MAN2A1: variants seen among roughly 807,000 people sequenced by gnomAD.
The protein encoded by MAN2A1 is alpha-mannosidase 2.
Under a neutral mutation model 142.6 loss-of-function variants are expected in MAN2A1, and 76 were observed. The ratio of observed to expected loss-of-function variants is 0.53; its 90% confidence interval spans 0.44 to 0.65. MAN2A1 has a LOEUF of 0.65. Ranked by LOEUF, MAN2A1 falls within the 30% of genes least tolerant of loss-of-function variation. The pLI is 0.00. For missense variants in MAN2A1, 1,311 were observed against 1,365.1 expected, an observed-to-expected ratio of 0.96 and a Z score of 0.62; for synonymous variants, 559 against 473.2, an observed-to-expected ratio of 1.18 and a Z score of -2.35.
intron 16 of MAN2A1, among the ~76,000 whole-genome samples, chr5:109,839,669 T>TTA (rs1491521678): frequency 2.0e-5 from 3 of 148,968 alleles, no homozygotes; most frequent in Non-Finnish European, 4.5e-5. Flanking sequence ...TTTTTTTTTT[T>TTA]AAATAACATT....
At chr5:109,789,102 C>CA in intron 11 of MAN2A1, 54 bp downstream of exon 11, 1 of 886,216 alleles carries the variant, frequency 1.1e-6, no homozygotes, top group Non-Finnish European at 1.8e-6. Context: ...ATTGTTCTTG[C>CA]ATTAGCAAAG....
chr5:109,867,222 A>G lies in MAN2A1; in HGVS notation c.*224A>G, dbSNP rs1755910633. 3.0e-6 allele frequency: 1 copy of G among 329,846 alleles called. No homozygotes were observed. Among genetic ancestry groups the G allele is most frequent in the African/African-American group, 2.2e-5 (1 of 46,292 alleles). The allele number at this position is 329,846 out of a possible 1,614,324, so 20.4% of individuals were successfully genotyped here. On this transcript the variant is annotated 3_prime_UTR_variant, in exon 22 of 22. Coordinates refer to ENST00000261483, the MANE Select transcript of MAN2A1 (RefSeq NM_002372.4). ...ATTCTTTTTTTTTAAACTTTCTCCC[A>G]TGAACTACCACCATCAGTATGAATT...
chr5:109,800,328 T>C (rs978459174), intron 12 of MAN2A1, among the ~76,000 whole-genome samples: 1 of 152,178 alleles, frequency 6.6e-6, no homozygotes, highest in East Asian at 1.9e-4. Context: ...GCCTGCGTAA[T>C]AGTCCTCTGA....
At chr5:109,696,848 G>A (rs533187312) in intron 1 of MAN2A1, among the ~76,000 whole-genome samples, 2 of 152,310 alleles carry the variant, frequency 1.3e-5, no homozygotes, top group Non-Finnish European at 2.9e-5. Flanking sequence ...ATTTTTTGAT[G>A]GGTGAACTCT....
At chr5:109,720,101 CTAGT>C (rs1751559914) in intron 3 of MAN2A1, among the ~76,000 whole-genome samples, 1 of 152,160 alleles carries the variant, frequency 6.6e-6, no homozygotes, top group African/African-American at 2.4e-5. Context: ...TTGCTTCCCA[CTAGT>C]TAAACTGCTG....
rs1295136472 is a variant in MAN2A1, at chr5:109,820,321, C to T, written c.2430C>T (p.Phe810=). The T allele has an allele frequency of 6.2e-7, 1 of 1,612,910 alleles. No homozygotes were observed. Among genetic ancestry groups the T allele is most frequent in the Non-Finnish European group, 8.5e-7 (1 of 1,179,474 alleles). The change falls in exon 15 of 22, where the codon TTC becomes TTT. Residue 810 remains phenylalanine, a synonymous_variant. Coordinates refer to ENST00000261483, the MANE Select transcript of MAN2A1 (RefSeq NM_002372.4). ...IKRDKSGAYL[F]LPDGNAKPYV... ...GAGACAAAAGTGGTGCCTACCTCTT[C>T]TTACCTGATGGTAATGCCAAGGTAA... is the stretch of plus-strand genomic sequence containing the variant.
chr5:109,736,194 C>G (rs891648670), intron 4 of MAN2A1, among the ~76,000 whole-genome samples: 8 of 152,130 alleles, frequency 5.3e-5, no homozygotes, highest in African/African-American at 1.9e-4. Context: ...AACACACACA[C>G]ACAGAGTTGC....
Position 109,755,307 on chromosome 5 carries a change from ACT to A in MAN2A1, c.708-19_708-18del. 1 of 1,584,166 alleles carries A rather than the reference ACT, an allele frequency of 6.3e-7. No individual in the cohort carries two copies. The highest frequency in any genetic ancestry group is 1.4e-5 in the African/African-American group (1 of 73,898). On this transcript the variant is annotated intron_variant, in intron 4 of 21. Transcript: ENST00000261483. ...CTTTTCTTAACATTTATTAATGTAG[ACT>A]CTTGTTATTTTCTCTCTAGTTTAAT...
At chr5:109,712,424 T>A (rs958461395) in intron 1 of MAN2A1, among the ~76,000 whole-genome samples, 2 of 152,224 alleles carry the variant, frequency 1.3e-5, no homozygotes, top group African/African-American at 4.8e-5. Flanking sequence ...TTTATATTTC[T>A]AAATTTTCAG....
intron 16 of MAN2A1, among the ~76,000 whole-genome samples, chr5:109,826,593 G>C (rs1754767361): frequency 6.6e-6 from 1 of 152,176 alleles, no homozygotes; most frequent in Admixed American, 6.5e-5. Flanking sequence ...TCTTTCCTTA[G>C]TAATCTTCAT....
intron 1 of MAN2A1, among the ~76,000 whole-genome samples, chr5:109,704,636 G>A (rs933064638): frequency 6.6e-6 from 1 of 152,136 alleles, no homozygotes; most frequent in African/African-American, 2.4e-5. Context: ...AAGCCCAAAA[G>A]CCTTCCTGTT....
chr5:109,840,844 C>T (rs1228421693), intron 16 of MAN2A1, among the ~76,000 whole-genome samples: 4 of 151,912 alleles, frequency 2.6e-5, no homozygotes, highest in Admixed American at 6.6e-5. Flanking sequence ...AGTAGGATCA[C>T]GGGTGCCAGC....
chr5:109,746,899 A>G (rs1752423836), intron 4 of MAN2A1, among the ~76,000 whole-genome samples: 1 of 152,174 alleles, frequency 6.6e-6, no homozygotes, highest in Middle Eastern at 3.2e-3. Context: ...TTCATTCAGC[A>G]TAGTATCTTC....
chr5:109,859,252 A>G (rs1280662867), intron 20 of MAN2A1, among the ~76,000 whole-genome samples: 2 of 152,200 alleles, frequency 1.3e-5, no homozygotes, highest in Admixed American at 6.5e-5. Context: ...TAGAATTACT[A>G]AATTTGTTTC....
chr5:109,849,430 G>T (rs943590879), intron 19 of MAN2A1, among the ~76,000 whole-genome samples: 1 of 152,016 alleles, frequency 6.6e-6, no homozygotes, highest in Non-Finnish European at 1.5e-5. Flanking sequence ...CCCATTTTCA[G>T]TGTTCCCCCC....
intron 16 of MAN2A1, among the ~76,000 whole-genome samples, chr5:109,840,958 G>T (rs1456912143): frequency 6.6e-6 from 1 of 152,126 alleles, no homozygotes; most frequent in African/African-American, 2.4e-5. Flanking sequence ...AAGCTCTGGG[G>T]ATTCTACTTG....
At chr5:109,728,425 T>A (rs1032943435) in intron 3 of MAN2A1, among the ~76,000 whole-genome samples, 3 of 152,136 alleles carry the variant, frequency 2.0e-5, no homozygotes, top group Non-Finnish European at 4.4e-5. Flanking sequence ...CCTTATACGA[T>A]TTTTTAGATG....
intron 4 of MAN2A1, among the ~76,000 whole-genome samples, chr5:109,752,336 A>T (rs1210797422): frequency 1.3e-5 from 2 of 152,158 alleles, no homozygotes; most frequent in Non-Finnish European, 2.9e-5. Context: ...TAATATAAAA[A>T]CTGTAGGTAA....
Position 109,817,272 on chromosome 5 carries a change from G to A in MAN2A1, c.1944-1G>A. On this transcript the variant is annotated splice_acceptor_variant, in intron 12 of 21. Coordinates refer to ENST00000261483, the MANE Select transcript of MAN2A1 (RefSeq NM_002372.4). LOFTEE classifies it high-confidence loss of function. ...CAATAATGAAGCAGCTGTTTTTGCA[G>A]GTACCTTGTGGTCTATAATCCTTTA... 1 of 1,611,800 alleles carries A rather than the reference G, an allele frequency of 6.2e-7. No homozygotes were observed. Among genetic ancestry groups the A allele is most frequent in the Non-Finnish European group, 8.5e-7 (1 of 1,179,126 alleles).
Sources: gnomAD v4.1 joint callset for allele counts (sites outside exome capture counted in the v4.1 genomes callset) on GRCh38, gnomAD v4.1.1 for gene constraint, MANE v1.5 for transcripts, NCBI Gene and HGNC (gene_info 2026-07-23, HGNC 2026-07-21) for gene names.